Variants in ASAP1 observed in about 807,000 individuals in gnomAD.
ASAP1 encodes the protein arf-GAP with SH3 domain, ANK repeat and PH domain-containing protein 1.
Under a neutral mutation model 145.2 loss-of-function variants are expected in ASAP1, and 43 were observed. That is an observed-to-expected ratio of 0.30 (90% confidence interval 0.23 to 0.38). The LOEUF (loss-of-function observed/expected upper bound fraction) is 0.38. ASAP1 is among the 10% of genes least tolerant of loss of function. The pLI, the probability that ASAP1 is intolerant of heterozygous loss-of-function variation, is 1.00. For synonymous variants in ASAP1, 546 were observed against 515.5 expected, an observed-to-expected ratio of 1.06 and a Z score of -0.80; for missense variants, 1,018 against 1,355.3, an observed-to-expected ratio of 0.75 and a Z score of 3.91.
chr8:130,130,250 T>C (rs964503255), intron 15 of ASAP1, among the ~76,000 whole-genome samples: 8 of 152,330 alleles, frequency 5.3e-5, no homozygotes, highest in East Asian at 3.9e-4. Context: ...TAATACTTTA[T>C]AGATGAGGAA....
intron 3 of ASAP1, among the ~76,000 whole-genome samples, chr8:130,326,995 G>A (rs1824377336): frequency 6.6e-6 from 1 of 152,156 alleles, no homozygotes. Context: ...CCATGATTTA[G>A]ATATGAATAA....
chr8:130,353,121 G>A (rs1309975777), intron 3 of ASAP1, among the ~76,000 whole-genome samples: 1 of 152,120 alleles, frequency 6.6e-6, no homozygotes, highest in Non-Finnish European at 1.5e-5. Context: ...CCTCCCCTAT[G>A]AACTGCCCCT....
chr8:130,255,404 G>A (rs987012601), intron 3 of ASAP1, among the ~76,000 whole-genome samples: 1 of 152,110 alleles, frequency 6.6e-6, no homozygotes, highest in Admixed American at 6.6e-5. Context: ...TGTTTTATGT[G>A]CAACCTGTAT....
Position 130,060,575 on chromosome 8 carries a change from C to G in ASAP1, c.3192+4G>C. The G allele has an allele frequency of 1.2e-6, 2 of 1,603,890 alleles. No homozygotes were observed. The highest frequency in any genetic ancestry group is 1.1e-5 in the South Asian group (1 of 89,240). On this transcript the variant is annotated splice_donor_region_variant and intron_variant, in intron 28 of 29. Transcript: ENST00000518721. ...CCTAAGGGCCTGAACATTGTCCCAC[C>G]CACCGTATTGATTTTTCTGGGCAGT...
chr8:130,342,224 T>A (rs954413202), intron 3 of ASAP1, among the ~76,000 whole-genome samples: 2 of 152,132 alleles, frequency 1.3e-5, no homozygotes, highest in African/African-American at 4.8e-5. Context: ...GTGGCACTCA[T>A]CATGTAAGAC....
intron 2 of ASAP1, among the ~76,000 whole-genome samples, chr8:130,367,770 C>T (rs1026307982): frequency 5.9e-5 from 9 of 152,212 alleles, no homozygotes; most frequent in Admixed American, 6.5e-5. Context: ...GGTCTTCCGT[C>T]TGGGTTGGGG....
At chr8:130,439,812 C>G (rs1830433069) in intron 1 of ASAP1, among the ~76,000 whole-genome samples, 1 of 152,248 alleles carries the variant, frequency 6.6e-6, no homozygotes. Flanking sequence ...TCTGGCAGCT[C>G]CACAGCAGGC....
chr8:130,154,230 C>A (rs1302552370), intron 12 of ASAP1, among the ~76,000 whole-genome samples: 8 of 152,178 alleles, frequency 5.3e-5, no homozygotes, highest in African/African-American at 1.9e-4. Flanking sequence ...AAAAACTGTT[C>A]ATGATTCACA....
At chr8:130,225,576 T>C (rs1480580832) in intron 4 of ASAP1, among the ~76,000 whole-genome samples, 1 of 152,202 alleles carries the variant, frequency 6.6e-6, no homozygotes, top group Non-Finnish European at 1.5e-5. Context: ...AGATGGCCTA[T>C]AGAAGGCAAC....
At chr8:130,181,884 C>T (rs769424806) in intron 7 of ASAP1, among the ~76,000 whole-genome samples, 3 of 152,142 alleles carry the variant, frequency 2.0e-5, no homozygotes, top group African/African-American at 4.8e-5. Flanking sequence ...CTGATTTATC[C>T]GTCAAGTCTT....
rs1820693176 is a variant in ASAP1, at chr8:130,273,344, G to C, written c.187-36350C>G. On this transcript the variant is annotated intron_variant, in intron 3 of 29. Coordinates refer to ENST00000518721, the MANE Select transcript of ASAP1 (RefSeq NM_018482.4). ...ATCAAAATCAATTGAAAACCTTGAA[G>C]TTCAGCGGTCCCTCCCAAGGCAGGG... Among the ~76,000 whole-genome samples the C allele has an allele frequency of 3.3e-5, 5 of 152,166 alleles. No individual in the cohort carries two copies. In the South Asian group the frequency reaches 1.0e-3, roughly 32 times the overall value.
intron 1 of ASAP1, among the ~76,000 whole-genome samples, chr8:130,425,676 A>G (rs1157597636): frequency 6.6e-6 from 1 of 152,248 alleles, no homozygotes; most frequent in Non-Finnish European, 1.5e-5. Context: ...ATTCAATCTT[A>G]GGGATCAGAG....
At chr8:130,416,192 G>T (rs1383851672) in intron 1 of ASAP1, among the ~76,000 whole-genome samples, 1 of 152,054 alleles carries the variant, frequency 6.6e-6, no homozygotes, top group African/African-American at 2.4e-5. Context: ...CGCCAACTCC[G>T]GAGGACAAGC....
chr8:130,072,822 T>TGTGTGTGTGTGTGTGTGTGTGTGTGC (rs1554816353), intron 27 of ASAP1, among the ~76,000 whole-genome samples: 1 of 26,036 alleles, frequency 3.8e-5, no homozygotes, highest in African/African-American at 1.4e-4. Context: ...TGTGTGTGTG[T>TGTGTGTGTGTGTGTGTGTGTGTGTGC]GTGCGCGCGG....
intron 3 of ASAP1, among the ~76,000 whole-genome samples, chr8:130,248,903 A>C (rs750223418): frequency 3.3e-5 from 5 of 152,106 alleles, no homozygotes; most frequent in Non-Finnish European, 7.4e-5. Flanking sequence ...AATTCTGCCA[A>C]TTCAATCTCA....
chr8:130,136,560 C>CT (rs79726935), intron 14 of ASAP1, among the ~76,000 whole-genome samples: 249 of 144,332 alleles, frequency 1.7e-3, no homozygotes, highest in African/African-American at 3.8e-3. Flanking sequence ...CACCTAGTGG[C>CT]TTTTTTTTTT....
intron 3 of ASAP1, among the ~76,000 whole-genome samples, chr8:130,338,106 C>T (rs1825150102): frequency 6.6e-6 from 1 of 152,174 alleles, no homozygotes. Flanking sequence ...ACCTAAGGAG[C>T]CTGTGATGCT....
At chr8:130,181,724 A>G (rs1036559347) in intron 7 of ASAP1, among the ~76,000 whole-genome samples, 1 of 152,250 alleles carries the variant, frequency 6.6e-6, no homozygotes, top group Non-Finnish European at 1.5e-5. Context: ...TTAAACATAC[A>G]GTAGCTGACG....
At chr8:130,073,883 T>A (rs1207955255) in intron 27 of ASAP1, among the ~76,000 whole-genome samples, 2 of 152,196 alleles carry the variant, frequency 1.3e-5, no homozygotes, top group Non-Finnish European at 2.9e-5. Flanking sequence ...ATCAGGTTTC[T>A]GGAATCAACT....
Sources: allele counts gnomAD v4.1 joint callset (sites outside exome capture counted in the v4.1 genomes callset), GRCh38; gene constraint gnomAD v4.1.1; transcripts MANE v1.5; gene names NCBI Gene and HGNC (gene_info 2026-07-23, HGNC 2026-07-21).